RARB: variants seen among roughly 807,000 people sequenced by gnomAD.
RARB encodes retinoic acid receptor beta.
In RARB, 17 loss-of-function variants were observed where a neutral mutation model predicts 51.9. The observed-to-expected ratio is 0.33, with a 90% CI of 0.22 to 0.49. The LOEUF (loss-of-function observed/expected upper bound fraction) is 0.49, where lower values mean the gene tolerates loss of function less well. Ranked by LOEUF, RARB falls within the 20% of genes least tolerant of loss-of-function variation. RARB has a pLI of 0.99. For missense variants in RARB, 369 were observed against 550.8 expected, an observed-to-expected ratio of 0.67 and a Z score of 3.30; for synonymous variants, 215 against 195.4, an observed-to-expected ratio of 1.10 and a Z score of -0.84.
intron 2 of RARB, among the ~76,000 whole-genome samples, chr3:24,949,765 C>T (rs2125405018): frequency 6.6e-6 from 1 of 152,214 alleles, no homozygotes; most frequent in South Asian, 2.1e-4. Flanking sequence ...GGATAAAGTA[C>T]TCTTTAATTC....
Position 25,157,350 on chromosome 3 carries a change from TTGTGTGTGTGTGTG to T in RARB, c.-279-16751_-279-16738del, listed in dbSNP as rs748559000. Among the ~76,000 whole-genome samples the T allele has an allele frequency of 1.2e-4, 17 of 145,090 alleles. No individual in the cohort carries two copies. The East Asian group carries it at 3.5e-3, about 29-fold the overall frequency. On this transcript the variant is annotated intron_variant, in intron 4 of 11. Coordinates refer to the RARB transcript ENST00000383772. Reference sequence around the variant, plus strand: ...GAGGCACAGTTCTGAGTGTGTGTGTTTGTGTGTGTGTGTGTGTGTGTGTGTGTGTGTATATATAT... The same window carrying T: ...GAGGCACAGTTCTGAGTGTGTGTGTTTGTGTGTGTGTGTGTGTATATATAT...
intron 5 of RARB, among the ~76,000 whole-genome samples, chr3:25,385,644 AAT>A (rs146277516): frequency 7.3e-5 from 11 of 150,392 alleles, no homozygotes; most frequent in Admixed American, 1.3e-4. Flanking sequence ...TTGCATTTAA[AAT>A]ATATATATAT....
intron 3 of RARB, among the ~76,000 whole-genome samples, chr3:25,105,495 G>A (rs1465539137): frequency 1.3e-5 from 2 of 150,676 alleles, no homozygotes; most frequent in African/African-American, 2.4e-5. Flanking sequence ...AAGTATGACT[G>A]CACTGCTTCT....
chr3:25,256,930 C>T (rs13082318), intron 5 of RARB, among the ~76,000 whole-genome samples: 14,943 of 152,086 alleles, frequency 0.098, 969 homozygotes, highest in South Asian at 0.25. Context: ...TCATCAAGAA[C>T]TTGGAAGAGA....
intron 2 of RARB, among the ~76,000 whole-genome samples, chr3:25,044,493 C>A (rs921043553): frequency 1.3e-5 from 2 of 152,080 alleles, no homozygotes; most frequent in African/African-American, 4.8e-5. Flanking sequence ...CTAAAAAAAA[C>A]AAATCCTCGA....
At chr3:25,535,003 C>A (rs1396078439) in intron 3 of RARB, among the ~76,000 whole-genome samples, 3 of 152,232 alleles carry the variant, frequency 2.0e-5, no homozygotes, top group East Asian at 3.9e-4. Context: ...GTAGGAGAAG[C>A]AAAATGGAGC....
intron 5 of RARB, among the ~76,000 whole-genome samples, chr3:25,191,791 C>A (rs555419909): frequency 5.9e-5 from 9 of 152,186 alleles, no homozygotes; most frequent in African/African-American, 1.7e-4. Flanking sequence ...TCCAGTGTTA[C>A]AAGGCACAGT....
At chr3:25,272,081 A>G (rs924215724) in intron 5 of RARB, among the ~76,000 whole-genome samples, 15 of 152,366 alleles carry the variant, frequency 9.8e-5, no homozygotes, top group Admixed American at 8.5e-4. Context: ...AATATTGAGT[A>G]CTCAGCAGCC....
chr3:25,101,788 A>C (rs1699404907), intron 3 of RARB, among the ~76,000 whole-genome samples: 1 of 152,040 alleles, frequency 6.6e-6, no homozygotes, highest in East Asian at 1.9e-4. Flanking sequence ...TTTGAGTACC[A>C]ACATACATTC....
At chr3:24,891,823 T>G (rs1472829055) in intron 2 of RARB, among the ~76,000 whole-genome samples, 2 of 152,074 alleles carry the variant, frequency 1.3e-5, no homozygotes, top group African/African-American at 4.8e-5. Context: ...CTACCTTGTT[T>G]ACATTAAAGG....
At chr3:25,558,924 C>A (rs1026255597) in intron 3 of RARB, among the ~76,000 whole-genome samples, 2 of 152,112 alleles carry the variant, frequency 1.3e-5, no homozygotes, top group Admixed American at 6.6e-5. Flanking sequence ...CCCCACTTCT[C>A]TTTGTCCTCA....
At chr3:25,336,639 G>T (rs924811888) in intron 5 of RARB, among the ~76,000 whole-genome samples, 3 of 152,042 alleles carry the variant, frequency 2.0e-5, no homozygotes, top group Non-Finnish European at 4.4e-5. Context: ...AACAACATAT[G>T]GTACTTGAAA....
intron 4 of RARB, among the ~76,000 whole-genome samples, chr3:25,157,350 T>TTGTGTGTGTGTGTGTGTGTG (rs748559000): frequency 2.7e-4 from 39 of 145,086 alleles, no homozygotes; most frequent in Middle Eastern, 3.5e-3. Context: ...GTGTGTGTGT[T>TTGTGTGTGTGTGTGTGTGTG]TGTGTGTGTG....
At chr3:25,292,084 T>A (rs322670) in intron 5 of RARB, among the ~76,000 whole-genome samples, 21,067 of 151,850 alleles carry the variant, frequency 0.14, 1,718 homozygotes, top group South Asian at 0.23. Flanking sequence ...AGATTAATTG[T>A]TTCTCAAACT....
intron 5 of RARB, among the ~76,000 whole-genome samples, chr3:25,224,835 G>T (rs980932341): frequency 6.6e-6 from 1 of 151,780 alleles, no homozygotes; most frequent in East Asian, 1.9e-4. Context: ...GGACTCCTAG[G>T]CTCGAGCAAT....
intron 2 of RARB, among the ~76,000 whole-genome samples, chr3:25,489,583 A>C (rs576972191): frequency 6.6e-6 from 1 of 152,374 alleles, no homozygotes; most frequent in Admixed American, 6.5e-5. Flanking sequence ...GTTTCAAAGA[A>C]GAAAGAGACA....
chr3:25,121,015 C>A (rs1239890713), intron 3 of RARB, among the ~76,000 whole-genome samples: 3 of 152,084 alleles, frequency 2.0e-5, no homozygotes, highest in Non-Finnish European at 2.9e-5. Flanking sequence ...ATAAACATAA[C>A]CCCAAACTGG....
chr3:24,935,060 T>C (rs1002875038), intron 2 of RARB, among the ~76,000 whole-genome samples: 1 of 152,174 alleles, frequency 6.6e-6, no homozygotes. Context: ...TTAACGTATG[T>C]TTTCCAGGGG....
At chr3:25,158,549 T>C (rs1249739778) in intron 4 of RARB, among the ~76,000 whole-genome samples, 2 of 152,194 alleles carry the variant, frequency 1.3e-5, no homozygotes, top group Non-Finnish European at 2.9e-5. Flanking sequence ...GTAACTCTTC[T>C]TCCTTAAGAT....
Sources: gnomAD v4.1 joint callset for allele counts (sites outside exome capture counted in the v4.1 genomes callset) on GRCh38, gnomAD v4.1.1 for gene constraint, MANE v1.5 for transcripts, NCBI Gene and HGNC (gene_info 2026-07-23, HGNC 2026-07-21) for gene names.